KDM4C: variants seen among roughly 807,000 people sequenced by gnomAD.
The protein encoded by KDM4C is lysine demethylase 4C.
In KDM4C, 81 loss-of-function variants were observed where a neutral mutation model predicts 129.3. The observed-to-expected ratio is 0.63, with a 90% confidence interval of 0.52 to 0.75. The LOEUF (loss-of-function observed/expected upper bound fraction) is 0.75, where lower values mean the gene tolerates loss of function less well. KDM4C is among the 30% of genes least tolerant of loss of function. The pLI is 0.00. For missense variants in KDM4C, 1,457 were observed against 1,304.0 expected (o/e 1.12, Z -1.81); for synonymous variants, 573 against 456.1 (o/e 1.26, Z -3.26).
intron 8 of KDM4C, among the ~76,000 whole-genome samples, chr9:6,975,588 A>G (rs1832784379): frequency 6.6e-6 from 1 of 152,168 alleles, no homozygotes; most frequent in Non-Finnish European, 1.5e-5. Flanking sequence ...AGGTTATTTA[A>G]CAAACATTTT....
chr9:6,740,449 C>A (rs1448541930), intron 1 of KDM4C, among the ~76,000 whole-genome samples: 1 of 151,100 alleles, frequency 6.6e-6, no homozygotes, highest in Non-Finnish European at 1.5e-5. Context: ...GTGATCCGCC[C>A]ACCTCGGCCT....
chr9:7,090,201 A>G (rs909396464), intron 17 of KDM4C, among the ~76,000 whole-genome samples: 3 of 152,242 alleles, frequency 2.0e-5, no homozygotes, highest in Admixed American at 2.0e-4. Context: ...GGAACTTGAC[A>G]AGCAGATTCT....
intron 15 of KDM4C, among the ~76,000 whole-genome samples, chr9:7,021,692 G>T (rs539724083): frequency 6.6e-6 from 1 of 152,174 alleles, no homozygotes; most frequent in South Asian, 2.1e-4. Flanking sequence ...TTACTTCGTT[G>T]CCTGTGTTTA....
intron 19 of KDM4C, among the ~76,000 whole-genome samples, chr9:7,163,062 C>T (rs893349360): frequency 3.3e-5 from 5 of 152,076 alleles, no homozygotes; most frequent in African/African-American, 4.8e-5. Context: ...CAGGAAAGTG[C>T]AGGCTCCTCT....
At chr9:7,126,704 T>C (rs1307738092) in intron 18 of KDM4C, among the ~76,000 whole-genome samples, 2 of 152,212 alleles carry the variant, frequency 1.3e-5, no homozygotes, top group Admixed American at 6.5e-5. Flanking sequence ...GATACTCCTC[T>C]AATAAGAGCA....
At chr9:6,885,322 T>G (rs759555121) in intron 6 of KDM4C, among the ~76,000 whole-genome samples, 1 of 152,264 alleles carries the variant, frequency 6.6e-6, no homozygotes, top group Admixed American at 6.5e-5. Context: ...TTTTCACACA[T>G]GCTCACTTTT....
chr9:7,078,107 T>G lies in KDM4C; in HGVS notation c.2425-25578T>G, dbSNP rs964273870. 2.0e-5 allele frequency among the ~76,000 whole-genome samples: 3 copies of G among 152,232 alleles called. No homozygotes were observed. In the South Asian group the frequency reaches 6.2e-4, roughly 31 times the overall value. On this transcript the variant is annotated intron_variant, in intron 17 of 21. Coordinates refer to ENST00000381309, the MANE Select transcript of KDM4C (RefSeq NM_015061.6). Reference sequence around the variant, plus strand: ...TGTTCCCATTTATTTATTTATTTTTTAATGCATTGGGAGAAGACTCAAGGA... The same window carrying G: ...TGTTCCCATTTATTTATTTATTTTTGAATGCATTGGGAGAAGACTCAAGGA...
intron 19 of KDM4C, among the ~76,000 whole-genome samples, chr9:7,150,313 C>A (rs529653787): frequency 1.3e-5 from 2 of 152,144 alleles, no homozygotes; most frequent in African/African-American, 4.8e-5. Context: ...GGTGGCTTAA[C>A]GTGGAGGAAG....
intron 1 of KDM4C, among the ~76,000 whole-genome samples, chr9:6,769,653 C>T (rs2990658): frequency 0.32 from 48,366 of 151,880 alleles, 8,456 homozygotes; most frequent in Non-Finnish European, 0.4. Flanking sequence ...TTTAATAAGA[C>T]GTCAGTACTC....
chr9:6,793,191 T>C, intron 2 of KDM4C, 59 bp downstream of exon 2: 1 of 1,563,824 alleles, frequency 6.4e-7, no homozygotes. Context: ...ATTTATGTTC[T>C]TAGTTTTCAC....
At chr9:7,122,327 C>T (rs1839595140) in intron 18 of KDM4C, among the ~76,000 whole-genome samples, 1 of 151,682 alleles carries the variant, frequency 6.6e-6, no homozygotes, top group Non-Finnish European at 1.5e-5. Context: ...CAAGACAGCA[C>T]TAGGGAGATG....
intron 5 of KDM4C, among the ~76,000 whole-genome samples, chr9:6,856,818 C>T (rs1463533075): frequency 1.4e-5 from 2 of 142,092 alleles, no homozygotes; most frequent in African/African-American, 2.7e-5. Flanking sequence ...ACTGCAGTGG[C>T]GCAATCTCGG....
intron 8 of KDM4C, among the ~76,000 whole-genome samples, chr9:6,913,655 C>T (rs1362529094): frequency 6.6e-6 from 1 of 152,216 alleles, no homozygotes; most frequent in Non-Finnish European, 1.5e-5. Context: ...GACAGCCAAC[C>T]TGGCTGCCTT....
At chr9:6,801,722 A>G (rs1318973228) in intron 2 of KDM4C, among the ~76,000 whole-genome samples, 1 of 152,142 alleles carries the variant, frequency 6.6e-6, no homozygotes, top group Non-Finnish European at 1.5e-5. Context: ...ATAAAAGAAT[A>G]TATAAAAGAC....
At chr9:6,749,300 T>C (rs1028052092) in intron 1 of KDM4C, among the ~76,000 whole-genome samples, 1 of 152,166 alleles carries the variant, frequency 6.6e-6, no homozygotes, top group African/African-American at 2.4e-5. Context: ...ATTGCAGGCG[T>C]GAGCTACCAA....
intron 1 of KDM4C, among the ~76,000 whole-genome samples, chr9:6,777,639 AT>A (rs552861246): frequency 2.0e-5 from 3 of 150,558 alleles, no homozygotes; most frequent in East Asian, 3.9e-4. Context: ...TGAAGTTAAA[AT>A]TTTTTTTTTG....
chr9:6,945,290 C>G (rs556141893), intron 8 of KDM4C, among the ~76,000 whole-genome samples: 18 of 152,230 alleles, frequency 1.2e-4, no homozygotes, highest in African/African-American at 4.3e-4. Context: ...TCTGTTACCA[C>G]CAGTTTCATC....
intron 12 of KDM4C, among the ~76,000 whole-genome samples, chr9:6,991,117 T>C (rs954558048): frequency 6.6e-6 from 1 of 152,116 alleles, no homozygotes; most frequent in Admixed American, 6.5e-5. Context: ...CGCTCTGTTA[T>C]TCATGCTGGA....
intron 8 of KDM4C, among the ~76,000 whole-genome samples, chr9:6,970,014 A>G (rs1198929896): frequency 6.6e-6 from 1 of 152,218 alleles, no homozygotes; most frequent in Non-Finnish European, 1.5e-5. Context: ...CCATGTGCCC[A>G]TCTCTGAACC....
Sources: gnomAD v4.1 joint callset for allele counts (sites outside exome capture counted in the v4.1 genomes callset) on GRCh38, gnomAD v4.1.1 for gene constraint, MANE v1.5 for transcripts, NCBI Gene and HGNC (gene_info 2026-07-23, HGNC 2026-07-21) for gene names.